SLC26A7: variants seen among roughly 807,000 people sequenced by gnomAD.
The protein encoded by SLC26A7 is solute carrier family 26 member 7, also known as anion exchange transporter.
In SLC26A7, 59 loss-of-function variants were observed where a neutral mutation model predicts 82.5. The ratio of observed to expected loss-of-function variants is 0.72; its 90% CI spans 0.58 to 0.89. The LOEUF (loss-of-function observed/expected upper bound fraction) is 0.89, where lower values mean the gene tolerates loss of function less well. SLC26A7 is among the 40% of genes least tolerant of loss of function. SLC26A7 has a pLI of 0.00. For synonymous variants in SLC26A7, 271 were observed against 274.3 expected (o/e 0.99, Z 0.12); for missense variants, 820 against 793.0 (o/e 1.03, Z -0.41).
At chr8:91,373,063 T>C (rs1248054202) in intron 15 of SLC26A7, among the ~76,000 whole-genome samples, 1 of 151,936 alleles carries the variant, frequency 6.6e-6, no homozygotes, top group African/African-American at 2.4e-5. Context: ...ACAGATTCTG[T>C]GCATTAATTT....
chr8:91,235,809 C>A (rs1415367304), intron 2 of SLC26A7, among the ~76,000 whole-genome samples: 2 of 152,110 alleles, frequency 1.3e-5, no homozygotes, highest in Non-Finnish European at 2.9e-5. Context: ...ATTTAACCAT[C>A]TTTTGACCAT....
chr8:91,313,431 C>A (rs537291616), intron 4 of SLC26A7, among the ~76,000 whole-genome samples: 5 of 152,252 alleles, frequency 3.3e-5, no homozygotes, highest in Admixed American at 3.3e-4. Flanking sequence ...CAGCTTTGTT[C>A]TTCTCAAGAC....
intron 4 of SLC26A7, among the ~76,000 whole-genome samples, chr8:91,307,433 AT>A (rs1419469970): frequency 2.8e-5 from 4 of 144,378 alleles, no homozygotes; most frequent in Admixed American, 1.4e-4. Flanking sequence ...GATTAAGAAA[AT>A]GTGGCACATA....
At chr8:91,307,442 A>G (rs1432140399) in intron 4 of SLC26A7, among the ~76,000 whole-genome samples, 2 of 144,576 alleles carry the variant, frequency 1.4e-5, no homozygotes, top group Non-Finnish European at 3.0e-5. Flanking sequence ...AATGTGGCAC[A>G]TATACACCAT....
intron 9 of SLC26A7, among the ~76,000 whole-genome samples, chr8:91,344,975 C>T (rs188431065): frequency 6.7e-6 from 1 of 149,360 alleles, no homozygotes; most frequent in Non-Finnish European, 1.5e-5. Flanking sequence ...CAGAGTCTTG[C>T]TCTGTTGCTC....
At chr8:91,232,450 C>T (rs1563636607) in intron 2 of SLC26A7, among the ~76,000 whole-genome samples, 2 of 152,136 alleles carry the variant, frequency 1.3e-5, no homozygotes. Flanking sequence ...AGTCCTTTTC[C>T]ACTGCAACAT....
intron 5 of SLC26A7, among the ~76,000 whole-genome samples, chr8:91,326,151 GTTTTAGAATAC>G (rs1812925818): frequency 6.6e-6 from 1 of 152,004 alleles, no homozygotes; most frequent in Non-Finnish European, 1.5e-5. Context: ...TTCTTTTTGT[GTTTTAGAATAC>G]TTCTATCTCA....
rs115809802 is a variant in SLC26A7 at position 91,226,976 on chromosome 8, T to C, written c.-34+7971T>C. On this transcript the variant is annotated intron_variant, in intron 2 of 5. Coordinates refer to the SLC26A7 transcript ENST00000522862. ...CATGGTCATATATCAAGTGTTACCATAGTAACCAGATTCTGGAAGAATGCA... is the reference window on the plus strand; with the variant it reads ...CATGGTCATATATCAAGTGTTACCACAGTAACCAGATTCTGGAAGAATGCA... Among the ~76,000 whole-genome samples, 353 of 152,370 alleles carry C rather than the reference T, an allele frequency of 2.3e-3. 1 individual carries two copies. Among genetic ancestry groups the C allele is most frequent in the African/African-American group, 7.9e-3 (330 of 41,602 alleles).
intron 9 of SLC26A7, chr8:91,348,297 A>G: frequency 5.1e-6 from 5 of 984,614 alleles, no homozygotes; most frequent in Non-Finnish European, 6.0e-6. Flanking sequence ...ACTTTCCACA[A>G]GACTGCACAT....
chr8:91,348,659 A>C (rs942398886), intron 9 of SLC26A7, among the ~76,000 whole-genome samples: 10 of 152,246 alleles, frequency 6.6e-5, no homozygotes, highest in African/African-American at 1.9e-4. Context: ...GAACACTTTA[A>C]TAAGTGCAAT....
At chr8:91,345,340 C>T (rs1431728070) in intron 9 of SLC26A7, among the ~76,000 whole-genome samples, 2 of 152,154 alleles carry the variant, frequency 1.3e-5, no homozygotes, top group Non-Finnish European at 2.9e-5. Flanking sequence ...GTGAGTGGTT[C>T]AGCGTTGGGC....
intron 2 of SLC26A7, among the ~76,000 whole-genome samples, chr8:91,234,358 T>C (rs1489289472): frequency 2.6e-5 from 4 of 152,320 alleles, no homozygotes; most frequent in African/African-American, 9.6e-5. Flanking sequence ...AATTAGTGTG[T>C]GCATTAGGAA....
intron 2 of SLC26A7, among the ~76,000 whole-genome samples, chr8:91,282,187 C>G (rs1811592181): frequency 6.6e-6 from 1 of 152,022 alleles, no homozygotes; most frequent in Non-Finnish European, 1.5e-5. Context: ...CCATTAGGCT[C>G]TCTCAAGCAG....
intron 4 of SLC26A7, among the ~76,000 whole-genome samples, chr8:91,310,868 A>G (rs1349988621): frequency 6.6e-6 from 1 of 152,086 alleles, no homozygotes; most frequent in Non-Finnish European, 1.5e-5. Flanking sequence ...CAAACAGTGC[A>G]CTTGGTCTCT....
At chr8:91,327,422 A>T (rs994341037) in intron 5 of SLC26A7, among the ~76,000 whole-genome samples, 1 of 152,228 alleles carries the variant, frequency 6.6e-6, no homozygotes, top group South Asian at 2.1e-4. Flanking sequence ...AGATACAATG[A>T]GTAAAATAGT....
chr8:91,333,690 C>T (rs1283936002), intron 5 of SLC26A7, among the ~76,000 whole-genome samples: 3 of 152,132 alleles, frequency 2.0e-5, no homozygotes, highest in African/African-American at 7.2e-5. Context: ...TACACTAGAC[C>T]ATGAGCTCTG....
chr8:91,380,529 A>C (rs891517003), intron 15 of SLC26A7, among the ~76,000 whole-genome samples: 1 of 152,174 alleles, frequency 6.6e-6, no homozygotes, highest in African/African-American at 2.4e-5. Context: ...TGCTACTAAT[A>C]AGCTATCATT....
chr8:91,317,631 A>C (rs894730720), intron 4 of SLC26A7, among the ~76,000 whole-genome samples: 37 of 152,316 alleles, frequency 2.4e-4, no homozygotes, highest in African/African-American at 8.2e-4. Flanking sequence ...ATTTCTCAGA[A>C]TCTGGGAGAA....
At chr8:91,293,544 T>C (rs1279357302) in intron 3 of SLC26A7, among the ~76,000 whole-genome samples, 1 of 152,196 alleles carries the variant, frequency 6.6e-6, no homozygotes, top group African/African-American at 2.4e-5. Context: ...GATATGCCTG[T>C]ACCCATTGCT....
Sources: allele counts gnomAD v4.1 joint callset (sites outside exome capture counted in the v4.1 genomes callset), GRCh38; gene constraint gnomAD v4.1.1; transcripts MANE v1.5; gene names NCBI Gene and HGNC (gene_info 2026-07-23, HGNC 2026-07-21).